Variants in UPF3A observed in about 807,000 individuals in gnomAD.
The protein encoded by UPF3A is regulator of nonsense transcripts 3A.
Under a neutral mutation model 53.5 loss-of-function variants are expected in UPF3A, and 42 were observed. The ratio of observed to expected loss-of-function variants is 0.78; its 90% CI spans 0.61 to 1.01. UPF3A has a LOEUF of 1.01. Among genes scored for constraint, UPF3A ranks in the 50% least tolerant of loss-of-function variants. UPF3A has a pLI of 0.00. For missense variants in UPF3A, 575 were observed against 598.0 expected (o/e 0.96, Z 0.40); for synonymous variants, 237 against 225.3 (o/e 1.05, Z -0.47).
intron 2 of UPF3A, 60 bp downstream of exon 2, chr13:114,282,187 C>CT: frequency 7.2e-7 from 1 of 1,387,780 alleles, no homozygotes; most frequent in Non-Finnish European, 9.8e-7. Context: ...CGGCGGTGGC[C>CT]GTCTCGTTGC....
At chr13:114,287,276 A>G (rs1447811069) in intron 5 of UPF3A, 4 of 152,404 alleles carry the variant, frequency 2.6e-5, no homozygotes, top group Non-Finnish European at 4.4e-5. Flanking sequence ...CCTTTCCTCA[A>G]AGCCCTGGTT....
chr13:114,298,634 T>A (rs1413152525), intron 7 of UPF3A, among the ~76,000 whole-genome samples: 1 of 152,232 alleles, frequency 6.6e-6, no homozygotes, highest in Non-Finnish European at 1.5e-5. Context: ...TAACCTACCT[T>A]ACTTTTCATG....
At chr13:114,291,186 G>A (rs1190319386) in intron 5 of UPF3A, among the ~76,000 whole-genome samples, 3 of 152,084 alleles carry the variant, frequency 2.0e-5, no homozygotes, top group East Asian at 1.9e-4. Flanking sequence ...CAGAATATGC[G>A]ATGTATCAAA....
At chr13:114,289,476 A>G (rs954833982) in intron 5 of UPF3A, among the ~76,000 whole-genome samples, 21 of 150,242 alleles carry the variant, frequency 1.4e-4, no homozygotes, top group African/African-American at 4.9e-4. Context: ...GTGAGCCAAG[A>G]CCACGCCACT....
In UPF3A at chr13:114,282,864, A is replaced by G. The variant is rs1303093695; in HGVS notation, c.342A>G (p.Ala114=). ...TTTATCCTCATCTCTACTCAAGAGC[A>G]TACATTAATTTTAGGAATCCTGATG... ...LSLYPHLYSR[A]YINFRNPDDI... The change falls in exon 3 of 10, where the codon GCA becomes GCG. Residue 114 remains alanine (A), a synonymous_variant. Coordinates refer to ENST00000375299, the MANE Select transcript of UPF3A (RefSeq NM_023011.4). The G allele has an allele frequency of 2.5e-6, 4 of 1,611,080 alleles. No homozygotes were observed. The highest frequency in any genetic ancestry group is 3.3e-4 in the Middle Eastern group (2 of 6,050).
chr13:114,291,721 G>T lies in UPF3A; in HGVS notation c.775G>T (p.Glu259Ter). 1.3e-6 allele frequency: 2 copies of T among 1,596,112 alleles called. No individual in the cohort carries two copies. Among genetic ancestry groups the T allele is most frequent in the Non-Finnish European group, 1.7e-6 (2 of 1,166,968 alleles). Reference protein sequence around the residue: ...LREEEKRRRREEERCKKKETD... With the variant: ...LREEEKRRRR Reference sequence around the variant, plus strand: ...GGAAGAGGAAAAAAGAAGAAGAAGAGAAGAAGAAAGATGCAAAAAAAAAGA... The same window carrying T: ...GGAAGAGGAAAAAAGAAGAAGAAGATAAGAAGAAAGATGCAAAAAAAAAGA... Residue 259 changes from glutamate to a stop codon, truncating the protein, a stop_gained, in exon 7 of 10, where the codon GAA (glutamate) becomes TAA (stop). Coordinates refer to ENST00000375299, the MANE Select transcript of UPF3A (RefSeq NM_023011.4). LOFTEE classifies it high-confidence loss of function.
At chr13:114,297,148 T>A (rs184567542) in intron 7 of UPF3A, among the ~76,000 whole-genome samples, 57 of 152,278 alleles carry the variant, frequency 3.7e-4, no homozygotes, top group Admixed American at 5.9e-4. Flanking sequence ...ATGCTGCAAT[T>A]ATGAGTGAGA....
Position 114,294,839 on chromosome 13 carries a change from G to A in UPF3A, c.846+3047G>A, listed in dbSNP as rs1463498628. Among the ~76,000 whole-genome samples, 9 of 138,460 alleles carry A rather than the reference G, an allele frequency of 6.5e-5. No individual in the cohort carries two copies. The East Asian group carries it at 1.1e-3, about 17-fold the overall frequency. The allele number at this position is 138,460 out of a possible 152,430, so 90.8% of individuals were successfully genotyped here. ...GACTCCGTCTCAAAAAGGCTGGACC[G>A]CGGTGGCTCACACCTGTAATCCTGG... On this transcript the variant is annotated intron_variant, in intron 7 of 9. Transcript: ENST00000375299.
chr13:114,300,809 G>T (rs1181570096), intron 8 of UPF3A, among the ~76,000 whole-genome samples: 1 of 152,078 alleles, frequency 6.6e-6, no homozygotes, highest in Non-Finnish European at 1.5e-5. Context: ...AAAGTGCTGG[G>T]ATTACAGGTG....
intron 7 of UPF3A, 47 bp from the exon 8 acceptor site, chr13:114,298,793 A>G: frequency 7.1e-7 from 1 of 1,404,822 alleles, no homozygotes; most frequent in East Asian, 2.7e-5. Flanking sequence ...AGCTTCTTTT[A>G]AAATATGCTC....
chr13:114,291,909 G>C, intron 7 of UPF3A, 117 bp downstream of exon 7: 9 of 1,297,888 alleles, frequency 6.9e-6, no homozygotes, highest in Non-Finnish European at 9.4e-6. Context: ...CTAATATTGT[G>C]TTGTTATTTT....
intron 5 of UPF3A, among the ~76,000 whole-genome samples, chr13:114,288,660 CTG>C (rs34630419): frequency 0.011 from 1,748 of 152,258 alleles, 95 homozygotes; most frequent in Admixed American, 0.08. Context: ...ATGGGATAGA[CTG>C]TGGATGCCAA....
intron 7 of UPF3A, among the ~76,000 whole-genome samples, chr13:114,295,104 T>G (rs905343901): frequency 4.7e-5 from 6 of 126,946 alleles, no homozygotes; most frequent in Admixed American, 3.3e-4. Context: ...AGAGCAAGAC[T>G]CCGTCTCAAA....
At chr13:114,286,025 ATGG>A (rs1203898886) in intron 3 of UPF3A, 18 of 401,858 alleles carry the variant, frequency 4.5e-5, no homozygotes, top group Non-Finnish European at 7.1e-5. Context: ...CCACAACATG[ATGG>A]ATTGTTTTAG....
intron 7 of UPF3A, among the ~76,000 whole-genome samples, chr13:114,298,356 A>G (rs1225263484): frequency 6.6e-6 from 1 of 150,966 alleles, no homozygotes; most frequent in East Asian, 1.9e-4. Context: ...CTGGGCAACA[A>G]GAGTGAAACT....
chr13:114,296,964 C>T (rs1183136782), intron 7 of UPF3A, among the ~76,000 whole-genome samples: 1 of 152,082 alleles, frequency 6.6e-6, no homozygotes, highest in Non-Finnish European at 1.5e-5. Flanking sequence ...TGGGCAGTTA[C>T]CAGAAAGGAA....
At chr13:114,286,032 G>T in intron 3 of UPF3A, 1 of 422,936 alleles carries the variant, frequency 2.4e-6, no homozygotes, top group East Asian at 3.9e-5. Flanking sequence ...ATGATGGATT[G>T]TTTTAGTAAA....
chr13:114,303,332 G>A (rs1300336220), intron 9 of UPF3A, among the ~76,000 whole-genome samples: 1 of 152,154 alleles, frequency 6.6e-6, no homozygotes, highest in Non-Finnish European at 1.5e-5. Context: ...CCCGACCTGA[G>A]GTGGGGGAGC....
chr13:114,288,048 G>A (rs145771524), intron 5 of UPF3A, among the ~76,000 whole-genome samples: 187 of 152,220 alleles, frequency 1.2e-3, no homozygotes, highest in Middle Eastern at 3.4e-3. Context: ...CAGATGATCC[G>A]CCTGCCTCAG....
Sources: gnomAD v4.1 joint callset for allele counts (sites outside exome capture counted in the v4.1 genomes callset) on GRCh38, gnomAD v4.1.1 for gene constraint, MANE v1.5 for transcripts, NCBI Gene and HGNC (gene_info 2026-07-23, HGNC 2026-07-21) for gene names.